Variants in SV2C observed in about 807,000 individuals in gnomAD.
SV2C encodes synaptic vesicle glycoprotein 2C.
A neutral mutation model predicts 79.7 loss-of-function variants in SV2C; 49 were observed. That is an observed-to-expected ratio of 0.61 (90% confidence interval 0.49 to 0.78). The LOEUF (loss-of-function observed/expected upper bound fraction) is 0.78, where lower values mean the gene tolerates loss of function less well. Among genes scored for constraint, SV2C ranks in the 30% least tolerant of loss-of-function variants. SV2C has a pLI of 0.00. For synonymous variants in SV2C, 334 were observed against 333.2 expected (o/e 1.00, Z -0.03); for missense variants, 833 against 912.9 (o/e 0.91, Z 1.13).
intron 1 of SV2C, among the ~76,000 whole-genome samples, chr5:76,120,883 A>T (rs1208497082): frequency 2.0e-5 from 3 of 151,166 alleles, no homozygotes; most frequent in African/African-American, 7.4e-5. Flanking sequence ...GTATATACCC[A>T]GTAATGGGAT....
the SV2C span, among the ~76,000 whole-genome samples, chr5:75,936,093 G>T: frequency 3.3e-5 from 5 of 152,164 alleles, no homozygotes; most frequent in Admixed American, 6.5e-5. Flanking sequence ...GATTTAAAAA[G>T]CATGAGTAGA....
chr5:76,211,784 T>C (rs1744775765), intron 4 of SV2C, among the ~76,000 whole-genome samples: 1 of 152,192 alleles, frequency 6.6e-6, no homozygotes, highest in African/African-American at 2.4e-5. Flanking sequence ...CTTTAACTTG[T>C]TTTTTTAACT....
At chr5:76,202,060 C>T (rs1373519834) in intron 3 of SV2C, among the ~76,000 whole-genome samples, 5 of 150,100 alleles carry the variant, frequency 3.3e-5, no homozygotes, top group Admixed American at 6.6e-5. Context: ...AATTGAGGCA[C>T]GGATTGATTA....
chr5:76,037,754 T>C, the SV2C span, among the ~76,000 whole-genome samples: 1 of 152,236 alleles, frequency 6.6e-6, no homozygotes, highest in Non-Finnish European at 1.5e-5. Context: ...CAGGCCTCCT[T>C]GAGCTGTGGT....
the SV2C span, among the ~76,000 whole-genome samples, chr5:75,867,575 A>C: frequency 6.6e-6 from 1 of 152,264 alleles, no homozygotes; most frequent in African/African-American, 2.4e-5. Flanking sequence ...ATACAAATGC[A>C]TAATAGAAAT....
the SV2C span, among the ~76,000 whole-genome samples, chr5:76,070,069 G>C: frequency 6.6e-6 from 1 of 152,032 alleles, no homozygotes; most frequent in Non-Finnish European, 1.5e-5. Context: ...CTGCAGCTTG[G>C]AGTCCAGTCC....
the SV2C span, among the ~76,000 whole-genome samples, chr5:75,920,238 T>A: frequency 6.6e-6 from 1 of 152,206 alleles, no homozygotes; most frequent in East Asian, 1.9e-4. Context: ...GATGTGGTAC[T>A]GACTTCATGG....
the SV2C span, among the ~76,000 whole-genome samples, chr5:76,030,287 TTTTTTA>T: frequency 8.1e-6 from 1 of 123,308 alleles, no homozygotes; most frequent in South Asian, 2.4e-4. Flanking sequence ...TTTTTTTTTT[TTTTTTA>T]TTTATTCCTG....
chr5:76,335,858 T>C (rs1277340223), downstream of SV2C, among the ~76,000 whole-genome samples: 1 of 152,222 alleles, frequency 6.6e-6, no homozygotes, highest in Non-Finnish European at 1.5e-5. Context: ...GATTTCTCAA[T>C]CCTTTCTCGG....
At chr5:76,227,211 G>C (rs1254915877) in intron 4 of SV2C, among the ~76,000 whole-genome samples, 3 of 152,178 alleles carry the variant, frequency 2.0e-5, no homozygotes, top group Non-Finnish European at 2.9e-5. Context: ...TACTGCACAG[G>C]GGCTGGCCAG....
intron 4 of SV2C, among the ~76,000 whole-genome samples, chr5:76,272,054 T>C (rs1362331795): frequency 6.6e-6 from 1 of 152,172 alleles, no homozygotes; most frequent in Non-Finnish European, 1.5e-5. Flanking sequence ...CTGTTTCAAT[T>C]GTCAAGTGTT....
chr5:75,973,934 A>G, the SV2C span, among the ~76,000 whole-genome samples: 6 of 152,010 alleles, frequency 3.9e-5, no homozygotes, highest in Non-Finnish European at 7.4e-5. Flanking sequence ...TATTTTTTAG[A>G]GAGAATTTTT....
rs569001020 is a variant in SV2C at position 76,105,356 on chromosome 5, G to A, written c.-102+21844G>A. 2.0e-5 allele frequency among the ~76,000 whole-genome samples: 3 copies of A among 152,246 alleles called. No homozygotes were observed. The East Asian group carries it at 5.8e-4, about 29-fold the overall frequency. On this transcript the variant is annotated intron_variant, in intron 1 of 12. Coordinates refer to ENST00000502798, the MANE Select transcript of SV2C (RefSeq NM_014979.4). ...CATGAGGATTGTGGTAATTTGTGGG[G>A]CAGCCTTAGGAAATGGATACTGCCT...
the SV2C span, among the ~76,000 whole-genome samples, chr5:75,899,474 C>G: frequency 6.6e-6 from 1 of 152,030 alleles, no homozygotes; most frequent in Non-Finnish European, 1.5e-5. Context: ...CTGAGGAGAG[C>G]TTTACTTCCA....
At chr5:75,856,534 T>C in the SV2C span, among the ~76,000 whole-genome samples, 2 of 152,358 alleles carry the variant, frequency 1.3e-5, no homozygotes, top group Non-Finnish European at 2.9e-5. Flanking sequence ...TGCATTTCTT[T>C]GATGATCCAT....
chr5:76,322,112 G>A (rs145954977), intron 12 of SV2C, among the ~76,000 whole-genome samples: 234 of 152,216 alleles, frequency 1.5e-3, no homozygotes, highest in African/African-American at 4.2e-3. Flanking sequence ...AGAAAATTCC[G>A]TGGGCTCTTC....
At chr5:75,874,297 C>CA in the SV2C span, among the ~76,000 whole-genome samples, 17 of 151,550 alleles carry the variant, frequency 1.1e-4, no homozygotes, top group South Asian at 2.1e-4. Flanking sequence ...GAACTAAAGA[C>CA]AAAAAAAACA....
Position 76,235,670 on chromosome 5 carries a change from A to T in SV2C, c.913+25783A>T, listed in dbSNP as rs567531469. Among the ~76,000 whole-genome samples, 94 of 150,670 alleles carry T rather than the reference A, an allele frequency of 6.2e-4. 2 individuals are homozygous for T. In the South Asian group the frequency reaches 0.018, roughly 29 times the overall value. ...TATCGATTTCACATGGCCTTTGCTTAGTGCAATAAAAAAAGGGATTAAGAT... is the reference window on the plus strand; with the variant it reads ...TATCGATTTCACATGGCCTTTGCTTTGTGCAATAAAAAAAGGGATTAAGAT... On this transcript the variant is annotated intron_variant, in intron 4 of 12. Coordinates refer to ENST00000502798, the MANE Select transcript of SV2C (RefSeq NM_014979.4).
chr5:76,246,896 G>A (rs549041284), intron 4 of SV2C, among the ~76,000 whole-genome samples: 1 of 152,242 alleles, frequency 6.6e-6, no homozygotes, highest in East Asian at 1.9e-4. Context: ...AAAAGAATCT[G>A]GGGCCTAAGT....
Sources: gnomAD v4.1 joint callset for allele counts (sites outside exome capture counted in the v4.1 genomes callset) on GRCh38, gnomAD v4.1.1 for gene constraint, MANE v1.5 for transcripts, NCBI Gene and HGNC (gene_info 2026-07-23, HGNC 2026-07-21) for gene names.